Variants in MSRA observed in about 807,000 individuals in gnomAD.
The protein encoded by MSRA is methionine sulfoxide reductase A, also known as mitochondrial peptide methionine sulfoxide reductase.
A neutral mutation model predicts 31.3 loss-of-function variants in MSRA; 54 were observed. That is an observed-to-expected ratio of 1.73 (90% CI 1.39 to 2.17). MSRA has a LOEUF of 2.17. Ranked by LOEUF, MSRA falls within the 30% of genes most tolerant of loss-of-function variation. The probability of loss-of-function intolerance (pLI) is 0.00; values close to 1 mark genes in which losing one functional copy is unlikely to be tolerated. For synonymous variants in MSRA, 169 were observed against 116.5 expected, an observed-to-expected ratio of 1.45 and a Z score of -2.90; for missense variants, 507 against 300.9, an observed-to-expected ratio of 1.69 and a Z score of -5.07.
intron 1 of MSRA, among the ~76,000 whole-genome samples, chr8:10,067,454 A>G (rs939100002): frequency 2.0e-5 from 3 of 152,232 alleles, no homozygotes; most frequent in Non-Finnish European, 2.9e-5. Flanking sequence ...ATGGGGATCT[A>G]TAATTGTTTT....
chr8:10,386,739 A>G (rs755259872), intron 5 of MSRA, among the ~76,000 whole-genome samples: 1 of 152,098 alleles, frequency 6.6e-6, no homozygotes, highest in Non-Finnish European at 1.5e-5. Context: ...TTTAGCCTGC[A>G]CAGGTGATGG....
intron 2 of MSRA, among the ~76,000 whole-genome samples, chr8:10,234,948 GA>G (rs1811825308): frequency 6.6e-6 from 1 of 151,966 alleles, no homozygotes; most frequent in South Asian, 2.1e-4. Flanking sequence ...AACTAAAAGA[GA>G]AATCAAAAAA....
intron 5 of MSRA, among the ~76,000 whole-genome samples, chr8:10,354,826 C>T (rs1049362915): frequency 1.3e-5 from 2 of 150,240 alleles, no homozygotes; most frequent in African/African-American, 4.9e-5. Context: ...TATGTAGTCT[C>T]ATTGAATGGA....
At chr8:10,210,971 A>G (rs1026231984) in intron 2 of MSRA, among the ~76,000 whole-genome samples, 8 of 151,898 alleles carry the variant, frequency 5.3e-5, no homozygotes, top group African/African-American at 1.9e-4. Flanking sequence ...CCTAACCTCA[A>G]GAGATCCGCC....
chr8:10,359,313 A>T (rs1804701624), intron 5 of MSRA, among the ~76,000 whole-genome samples: 1 of 152,054 alleles, frequency 6.6e-6, no homozygotes, highest in Non-Finnish European at 1.5e-5. Flanking sequence ...AAAAAAAGAT[A>T]CCTTTTGCAC....
chr8:10,075,098 C>G (rs929073272), intron 1 of MSRA, among the ~76,000 whole-genome samples: 4 of 152,140 alleles, frequency 2.6e-5, no homozygotes, highest in African/African-American at 7.2e-5. Context: ...TTGAAGACTT[C>G]ATATATTGTC....
At chr8:10,409,549 C>T (rs547972718) in intron 5 of MSRA, among the ~76,000 whole-genome samples, 8 of 152,318 alleles carry the variant, frequency 5.3e-5, no homozygotes, top group African/African-American at 1.9e-4. Flanking sequence ...ACCCTTCTTA[C>T]CAAATGCAGC....
intron 5 of MSRA, among the ~76,000 whole-genome samples, chr8:10,377,363 A>G (rs1015504183): frequency 1.4e-4 from 21 of 152,396 alleles, no homozygotes; most frequent in African/African-American, 5.0e-4. Flanking sequence ...TTTGCTTTAT[A>G]AAGAACCAGA....
chr8:10,057,251 G>T (rs1297674023), intron 1 of MSRA, among the ~76,000 whole-genome samples: 1 of 152,156 alleles, frequency 6.6e-6, no homozygotes, highest in African/African-American at 2.4e-5. Context: ...GTGCTGGCTG[G>T]CTGGTAGGGC....
At chr8:10,274,752 C>A (rs906974748) in intron 3 of MSRA, among the ~76,000 whole-genome samples, 2 of 152,086 alleles carry the variant, frequency 1.3e-5, no homozygotes, top group Non-Finnish European at 2.9e-5. Flanking sequence ...CACCCACTCA[C>A]CCATCCACCA....
chr8:10,133,581 T>A (rs1531919), intron 1 of MSRA, among the ~76,000 whole-genome samples: 4 of 152,128 alleles, frequency 2.6e-5, no homozygotes, highest in African/African-American at 9.7e-5. Flanking sequence ...GCCCTTCCAG[T>A]GTGAACCTGT....
chr8:10,415,496 C>T lies in MSRA; in HGVS notation c.544-12652C>T, dbSNP rs145045573. Among the ~76,000 whole-genome samples the T allele has an allele frequency of 4.0e-3, 613 of 152,128 alleles. 5 individuals carry two copies. Among genetic ancestry groups the T allele is most frequent in the African/African-American group, 9.7e-3 (404 of 41,482 alleles). On this transcript the variant is annotated intron_variant, in intron 5 of 5. Transcript: ENST00000317173. ...CCCCTTGTACCACTGTGATTGCAGGCGATGGAAAATCAGGGGGTGTGCAGC... is the reference window on the plus strand; with the variant it reads ...CCCCTTGTACCACTGTGATTGCAGGTGATGGAAAATCAGGGGGTGTGCAGC...
intron 5 of MSRA, among the ~76,000 whole-genome samples, chr8:10,400,060 C>T (rs571573205): frequency 4.6e-5 from 7 of 152,136 alleles, no homozygotes; most frequent in Admixed American, 1.3e-4. Flanking sequence ...ATTTCAGTGT[C>T]TCTAAAGGTG....
rs747249770 is a variant in MSRA, at chr8:10,212,185, T to TA, written c.211+4298dup. ...CTAGGTAACAGAGCGAGACTCTGTCTAAAAAAAAAAAAAATTTAAACTTTA... is the reference window on the plus strand; with the variant it reads ...CTAGGTAACAGAGCGAGACTCTGTCTAAAAAAAAAAAAAAATTTAAACTTTA... On this transcript the variant is annotated intron_variant, in intron 2 of 5. Coordinates refer to ENST00000317173, the MANE Select transcript of MSRA (RefSeq NM_012331.5). Among the ~76,000 whole-genome samples the TA allele has an allele frequency of 2.9e-3, 415 of 140,954 alleles. 4 individuals are homozygous for TA. The highest frequency in any genetic ancestry group is 0.025 in the South Asian group (110 of 4,416). 92.5% of individuals were successfully genotyped at this position (140,954 alleles called of 152,430 possible). A position where few individuals can be genotyped will look rare whatever the true frequency, so the allele number is the denominator to read the frequency against.
intron 1 of MSRA, among the ~76,000 whole-genome samples, chr8:10,166,689 C>G (rs1163705710): frequency 6.6e-6 from 1 of 152,176 alleles, no homozygotes; most frequent in Non-Finnish European, 1.5e-5. Context: ...TACCCAAGCT[C>G]ACTCATTCAC....
At chr8:10,096,853 T>C (rs1396053811) in intron 1 of MSRA, among the ~76,000 whole-genome samples, 1 of 152,202 alleles carries the variant, frequency 6.6e-6, no homozygotes, top group Non-Finnish European at 1.5e-5. Flanking sequence ...TATTCTGTTT[T>C]TAAAGACAGT....
At chr8:10,074,484 G>A (rs575372275) in intron 1 of MSRA, among the ~76,000 whole-genome samples, 3 of 152,174 alleles carry the variant, frequency 2.0e-5, no homozygotes, top group South Asian at 4.2e-4. Flanking sequence ...GGAAATAAGT[G>A]AATAAGTTTT....
At chr8:10,255,453 T>A (rs184414114) in intron 3 of MSRA, among the ~76,000 whole-genome samples, 1 of 152,312 alleles carries the variant, frequency 6.6e-6, no homozygotes, top group Non-Finnish European at 1.5e-5. Context: ...TTCAGCCTGA[T>A]TCCCTGAGTG....
chr8:10,285,133 A>G (rs1050500922), intron 3 of MSRA, among the ~76,000 whole-genome samples: 1 of 152,046 alleles, frequency 6.6e-6, no homozygotes, highest in Non-Finnish European at 1.5e-5. Context: ...TCGTGCAGTC[A>G]TCACCACCAT....
Sources: gnomAD v4.1 joint callset for allele counts (sites outside exome capture counted in the v4.1 genomes callset) on GRCh38, gnomAD v4.1.1 for gene constraint, MANE v1.5 for transcripts, NCBI Gene and HGNC (gene_info 2026-07-23, HGNC 2026-07-21) for gene names.